SLC39A14: variants seen among roughly 807,000 people sequenced by gnomAD.
SLC39A14 encodes metal cation symporter ZIP14.
A neutral mutation model predicts 45.5 loss-of-function variants in SLC39A14; 19 were observed. That is an observed-to-expected ratio of 0.42 (90% CI 0.29 to 0.61). SLC39A14 has a LOEUF of 0.61. Ranked by LOEUF, SLC39A14 falls within the 20% of genes least tolerant of loss-of-function variation. The pLI is 0.22. For synonymous variants in SLC39A14, 264 were observed against 251.3 expected, an observed-to-expected ratio of 1.05 and a Z score of -0.48; for missense variants, 447 against 616.5, an observed-to-expected ratio of 0.73 and a Z score of 2.91.
At chr8:22,381,050 C>T in intron 1 of SLC39A14, among the ~76,000 whole-genome samples, 1 of 151,784 alleles carries the variant, frequency 6.6e-6, no homozygotes, top group Non-Finnish European at 1.5e-5. Context: ...CTTGGCTCAC[C>T]ACAACTTCCG....
downstream of SLC39A14, among the ~76,000 whole-genome samples, chr8:22,426,103 G>T (rs928115857): frequency 6.6e-6 from 1 of 152,086 alleles, no homozygotes; most frequent in African/African-American, 2.4e-5. Flanking sequence ...TATGGGTCAG[G>T]TTGGTCTCGA....
Position 22,380,430 on chromosome 8 carries a change from G to A in SLC39A14, c.-16+13022G>A, listed in dbSNP as rs578089699. Among the ~76,000 whole-genome samples, 116 of 152,324 alleles carry A rather than the reference G, an allele frequency of 7.6e-4. 1 individual carries two copies. Among genetic ancestry groups the A allele is most frequent in the African/African-American group, 2.5e-3 (105 of 41,572 alleles). ...AGGCCAGTTCCTGGGGCTAGAAAGAGGCTGATCCATCAGCACCTCTCTAGC... is the reference window on the plus strand; with the variant it reads ...AGGCCAGTTCCTGGGGCTAGAAAGAAGCTGATCCATCAGCACCTCTCTAGC... On this transcript the variant is annotated intron_variant, in intron 1 of 8. Transcript: ENST00000381237.
Position 22,419,558 on chromosome 8 carries a change from G to A in SLC39A14, c.1339G>A (p.Glu447Lys). ...TTTCTTGCTTCTTTCCCAGTTCCCT[G>A]AGATGAATGAGGTCTGTCAAGAGGA... ...LYISLADMFP[E>K]MNEVCQEDER... The change falls in exon 9 of 9, where the codon GAG becomes AAG. Residue 447 changes from glutamate to lysine, a missense_variant. Physicochemically the swap from Glu to Lys is moderately conservative, Grantham distance 56. Coordinates refer to ENST00000381237, the MANE Select transcript of SLC39A14 (RefSeq NM_001128431.4). 6.2e-7 allele frequency: 1 copy of A among 1,611,458 alleles called. No individual in the cohort carries two copies. The highest frequency in any genetic ancestry group is 8.5e-7 in the Non-Finnish European group (1 of 1,179,176).
rs79144383 is a variant in SLC39A14, at chr8:22,404,462, G to T, written c.-15-234G>T. The T allele has an allele frequency of 0.17, 36,804 of 218,844 alleles. 7,266 individuals are homozygous for T. The highest frequency in any genetic ancestry group is 0.58 in the African/African-American group (19,010 of 32,946). 13.6% of individuals were successfully genotyped at this position (218,844 alleles called of 1,614,324 possible). ...AAAAATCATAACCGCATTGCTGTTT[G>T]TTTTTTTTTTTTTCATTTTTCAATC... On this transcript the variant is annotated intron_variant, in intron 1 of 8. Transcript: ENST00000381237.
chr8:22,404,401 TG>T (rs1835072002), intron 1 of SLC39A14: 1 of 247,044 alleles, frequency 4.0e-6, no homozygotes, highest in Non-Finnish European at 7.5e-6. Flanking sequence ...CACTCCAGCC[TG>T]GGCAACGAGT....
intron 3 of SLC39A14, chr8:22,410,142 C>T: frequency 6.2e-7 from 1 of 1,613,202 alleles, no homozygotes; most frequent in Non-Finnish European, 8.5e-7. Flanking sequence ...ACTTGCGCGT[C>T]CTCTTTCCCT....
chr8:22,394,420 C>T (rs879554643), intron 1 of SLC39A14, among the ~76,000 whole-genome samples: 42 of 150,386 alleles, frequency 2.8e-4, no homozygotes, highest in African/African-American at 9.6e-4. Context: ...CCCGAGTTCA[C>T]GCCATTCTCC....
chr8:22,391,872 C>T (rs1370068855), intron 1 of SLC39A14, among the ~76,000 whole-genome samples: 1 of 152,182 alleles, frequency 6.6e-6, no homozygotes, highest in Non-Finnish European at 1.5e-5. Context: ...CCGGCCAGGG[C>T]TCCCTGTTCT....
chr8:22,404,025 T>C (rs570988348), intron 1 of SLC39A14, among the ~76,000 whole-genome samples: 6 of 152,178 alleles, frequency 3.9e-5, no homozygotes, highest in Non-Finnish European at 8.8e-5. Context: ...TCATGTCTCA[T>C]CCACACCCGT....
rs1015192252 is a variant in SLC39A14, at chr8:22,405,101, G to A, written c.270+121G>A. On this transcript the variant is annotated intron_variant, in intron 2 of 8. Transcript: ENST00000381237. ...GGCAGAGGTAGGATGAGGCAGACAA[G>A]TCTCGATGATAGAGTGGACAGGCTG... The A allele has an allele frequency of 2.5e-5, 21 of 855,126 alleles. No homozygotes were observed. In the East Asian group the frequency reaches 5.0e-4, roughly 20 times the overall value. 53.0% of individuals were successfully genotyped at this position (855,126 alleles called of 1,614,324 possible).
intron 1 of SLC39A14, among the ~76,000 whole-genome samples, chr8:22,404,234 G>A (rs1251179068): frequency 6.6e-6 from 1 of 152,046 alleles, no homozygotes; most frequent in Non-Finnish European, 1.5e-5. Context: ...GACCAGCCTG[G>A]CCAACATGAT....
chr8:22,373,319 A>G (rs563839250), intron 1 of SLC39A14, among the ~76,000 whole-genome samples: 3 of 152,276 alleles, frequency 2.0e-5, no homozygotes, highest in Admixed American at 1.3e-4. Flanking sequence ...AAAGTAGTCA[A>G]AAGAATGGCC....
chr8:22,368,079 G>C (rs1029407588), intron 1 of SLC39A14, among the ~76,000 whole-genome samples: 52 of 152,108 alleles, frequency 3.4e-4, no homozygotes, highest in Non-Finnish European at 3.1e-4. Context: ...TCTGGACTAG[G>C]GGTTCACTTT....
At chr8:22,405,099 A>G (rs1005180177) in intron 2 of SLC39A14, 119 bp downstream of exon 2, 7 of 867,962 alleles carry the variant, frequency 8.1e-6, no homozygotes, top group Admixed American at 2.6e-5. Context: ...TGAGGCAGAC[A>G]AGTCTCGATG....
intron 8 of SLC39A14, among the ~76,000 whole-genome samples, chr8:22,429,071 G>A (rs1041117262): frequency 1.3e-5 from 2 of 152,060 alleles, no homozygotes; most frequent in African/African-American, 4.8e-5. Flanking sequence ...AGGAGATCGA[G>A]ACCATCCTGG....
rs1835839300 is a variant in SLC39A14, at chr8:22,415,799, G to C, written c.781G>C (p.Glu261Gln). The change falls in exon 6 of 9, where the codon GAG becomes CAG. Residue 261 changes from glutamate (E) to glutamine (Q), a missense_variant. By Grantham distance (29) the Glu-to-Gln change is conservative (BLOSUM62 2). Coordinates refer to ENST00000381237, the MANE Select transcript of SLC39A14 (RefSeq NM_001128431.4). ...HHHGHSHYAS[E>Q]SLPSKKDQEE... ...TCATGGACACAGCCATTATGCCTCT[G>C]AGTCGCTTCCCTCCAAGAAGGACCA... is the stretch of plus-strand genomic sequence containing the variant. 3.1e-6 allele frequency: 5 copies of C among 1,613,084 alleles called. No homozygotes were observed. The highest frequency in any genetic ancestry group is 4.2e-6 in the Non-Finnish European group (5 of 1,179,776).
At chr8:22,396,385 TAGAGAGAGAGAGAGAGAGAGAG>T (rs71509382) in intron 1 of SLC39A14, among the ~76,000 whole-genome samples, 10 of 32,188 alleles carry the variant, frequency 3.1e-4, no homozygotes, top group Non-Finnish European at 4.6e-4. Context: ...AATAAATAAA[TAGAGAGAGAGAGAGAGAGAGAG>T]AGAGAGGGGG....
intron 1 of SLC39A14, among the ~76,000 whole-genome samples, chr8:22,393,865 G>A (rs1215494287): frequency 6.6e-6 from 1 of 152,032 alleles, no homozygotes; most frequent in Non-Finnish European, 1.5e-5. Context: ...TAGAGACAGG[G>A]TTTCATCATG....
At chr8:22,401,965 C>T (rs776377811) in intron 1 of SLC39A14, among the ~76,000 whole-genome samples, 2 of 152,176 alleles carry the variant, frequency 1.3e-5, no homozygotes, top group Non-Finnish European at 2.9e-5. Context: ...TTACTTGACC[C>T]ATAACACATC....
Sources: gnomAD v4.1 joint callset for allele counts (sites outside exome capture counted in the v4.1 genomes callset) on GRCh38, gnomAD v4.1.1 for gene constraint, MANE v1.5 for transcripts, NCBI Gene and HGNC (gene_info 2026-07-23, HGNC 2026-07-21) for gene names.